UNC13B: variants seen among roughly 807,000 people sequenced by gnomAD.
The protein encoded by UNC13B is protein unc-13 homolog B.
Under a neutral mutation model 211.0 loss-of-function variants are expected in UNC13B, and 144 were observed. That is an observed-to-expected ratio of 0.68 (90% CI 0.60 to 0.78). The LOEUF is 0.78. UNC13B is among the 30% of genes least tolerant of loss of function. The pLI is 0.00. For synonymous variants in UNC13B, 709 were observed against 725.8 expected (o/e 0.98, Z 0.37); for missense variants, 1,777 against 2,002.0 (o/e 0.89, Z 2.14).
chr9:35,294,309 A>T (rs890816677), intron 7 of UNC13B, among the ~76,000 whole-genome samples: 2 of 150,236 alleles, frequency 1.3e-5, no homozygotes, highest in African/African-American at 2.5e-5. Context: ...CTACAAGATT[A>T]TCTTTTTTTT....
At chr9:35,375,560 T>C (rs1262818241) in intron 14 of UNC13B, among the ~76,000 whole-genome samples, 1 of 152,234 alleles carries the variant, frequency 6.6e-6, no homozygotes, top group Non-Finnish European at 1.5e-5. Context: ...ATTGTGGGCC[T>C]CATTCTGCTA....
At position 35,301,293 on chromosome 9, in the gene UNC13B, A is replaced by G. The variant is rs1829670669; in HGVS notation, c.1889A>G (p.Tyr630Cys). 2.5e-6 allele frequency: 1 copy of G among 398,778 alleles called. No individual in the cohort carries two copies. The highest frequency in any genetic ancestry group is 2.1e-5 in the African/African-American group (1 of 48,628). The allele number at this position is 398,778 out of a possible 1,614,324, so 24.7% of individuals were successfully genotyped here. A position where few individuals can be genotyped will look rare whatever the true frequency, so the allele number is the denominator to read the frequency against. The change falls in exon 9 of 40, where the codon TAC becomes TGC. Residue 630 changes from tyrosine to cysteine, a missense_variant. Transcript: ENST00000635942. Reference protein sequence around the residue: ...EHMGNKTGSLYFQNTTESIAK... With the variant: ...EHMGNKTGSLCFQNTTESIAK... The stretch of plus-strand genomic sequence containing the variant: ...ATGGGTAATAAAACTGGGAGTTTAT[A>G]CTTTCAGAATACAACAGAAAGTATT...
At position 35,322,394 on chromosome 9, in the gene UNC13B, T is replaced by G. The variant is rs1830782762; in HGVS notation, c.9414+8405T>G. ...GGAAGGGACAGTTCAGGAGAAGGCA[T>G]GGAGATAGGCCAGGAAGAAGGCTTG... is the stretch of plus-strand genomic sequence containing the variant. On this transcript the variant is annotated intron_variant, in intron 11 of 39. Transcript: ENST00000635942. 2.0e-5 allele frequency among the ~76,000 whole-genome samples: 3 copies of G among 151,814 alleles called. No homozygotes were observed. The South Asian group carries it at 6.2e-4, about 32-fold the overall frequency.
At chr9:35,343,242 G>A (rs1362864769) in intron 11 of UNC13B, among the ~76,000 whole-genome samples, 1 of 152,232 alleles carries the variant, frequency 6.6e-6, no homozygotes, top group Non-Finnish European at 1.5e-5. Flanking sequence ...TCACAGGGTT[G>A]TTGTGATGAT....
At chr9:35,370,254 A>T in intron 12 of UNC13B, 64 bp from the exon 13 acceptor site, 1 of 1,458,052 alleles carries the variant, frequency 6.9e-7, no homozygotes, top group Non-Finnish European at 9.6e-7. Context: ...TGAATGGAAC[A>T]CTGAACCCAC....
At chr9:35,382,678 T>G (rs962455391) in intron 21 of UNC13B, among the ~76,000 whole-genome samples, 171 bp downstream of exon 21, 7 of 151,796 alleles carry the variant, frequency 4.6e-5, no homozygotes, top group African/African-American at 1.7e-4. Flanking sequence ...TTCTCCTTTC[T>G]CAGCCTCCTG....
intron 22 of UNC13B, 87 bp downstream of exon 22, chr9:35,384,401 G>A (rs1169628028): frequency 2.6e-6 from 4 of 1,530,726 alleles, no homozygotes; most frequent in East Asian, 4.6e-5. Context: ...TATAAAGATT[G>A]AGGCCAGGGA....
At chr9:35,271,630 T>C (rs1827887269) in intron 7 of UNC13B, among the ~76,000 whole-genome samples, 1 of 152,184 alleles carries the variant, frequency 6.6e-6, no homozygotes, top group Admixed American at 6.5e-5. Flanking sequence ...ATAAGGATAA[T>C]ATTTCTACCT....
At chr9:35,253,538 G>C (rs1364735048) in intron 6 of UNC13B, among the ~76,000 whole-genome samples, 1 of 152,058 alleles carries the variant, frequency 6.6e-6, no homozygotes, top group Non-Finnish European at 1.5e-5. Flanking sequence ...TAATTATTAA[G>C]ATTTCATCAT....
In UNC13B at chr9:35,310,786, G is replaced by A; in HGVS notation, c.9323+5G>A. On this transcript the variant is annotated splice_donor_5th_base_variant and intron_variant, in intron 10 of 39. Transcript: ENST00000635942. ...CTTCCTAGGTCCCCAGGAGAGGTAG[G>A]CAACAGCTGCCTTGAGGAGCTCACA... is the stretch of plus-strand genomic sequence containing the variant. The A allele has an allele frequency of 1.2e-6, 2 of 1,611,648 alleles. No homozygotes were observed. The highest frequency in any genetic ancestry group is 1.7e-6 in the Non-Finnish European group (2 of 1,178,770).
intron 11 of UNC13B, among the ~76,000 whole-genome samples, chr9:35,323,729 T>C (rs921343607): frequency 6.6e-6 from 1 of 152,188 alleles, no homozygotes; most frequent in African/African-American, 2.4e-5. Context: ...ACTATGCCTT[T>C]TATATGCCCC....
intron 15 of UNC13B, 22 bp downstream of exon 15, chr9:35,376,269 G>A (rs774002310): frequency 1.9e-6 from 3 of 1,609,688 alleles, no homozygotes; most frequent in Non-Finnish European, 2.5e-6. Context: ...GCGGGATGAG[G>A]GGCGGGGAGT....
At chr9:35,268,006 C>T (rs1003925151) in intron 7 of UNC13B, among the ~76,000 whole-genome samples, 34 of 152,242 alleles carry the variant, frequency 2.2e-4, no homozygotes, top group African/African-American at 7.9e-4. Context: ...TTCTCTGTCT[C>T]CCAGCTCTGC....
At chr9:35,320,624 A>T (rs548462666) in intron 11 of UNC13B, among the ~76,000 whole-genome samples, 1 of 152,302 alleles carries the variant, frequency 6.6e-6, no homozygotes, top group East Asian at 1.9e-4. Context: ...TAATTCACTT[A>T]GCTAACTTTT....
Position 35,304,377 on chromosome 9 carries a change from G to C in UNC13B, c.4973G>C (p.Gly1658Ala). The change falls in exon 9 of 40, where the codon GGA becomes GCA. Residue 1658 changes from glycine (G) to alanine (A), a missense_variant. Gly to Ala is a moderately conservative substitution (Grantham distance 60, BLOSUM62 0). Coordinates refer to ENST00000635942, the MANE Select transcript of UNC13B (RefSeq NM_001371189.2). ...GGCTATAATCGTCAAAAGTTTAAAG[G>C]AGACTTTAGATCTTTCAAAGAAAGG... ...FSGYNRQKFK[G>A]DFRSFKERPC... 1 of 398,596 alleles carries C rather than the reference G, an allele frequency of 2.5e-6. No homozygotes were observed. The highest frequency in any genetic ancestry group is 3.6e-5 in the East Asian group (1 of 28,056). The allele number at this position is 398,596 out of a possible 1,614,324, so 24.7% of individuals were successfully genotyped here.
At chr9:35,206,872 CAAAAAA>C (rs35378310) in intron 1 of UNC13B, among the ~76,000 whole-genome samples, 14 of 113,140 alleles carry the variant, frequency 1.2e-4, no homozygotes, top group African/African-American at 4.5e-4. Context: ...GACTCCATCT[CAAAAAA>C]AAAAAAAAAA....
chr9:35,254,906 AATATATAATATAC>A (rs1351023859), intron 6 of UNC13B, among the ~76,000 whole-genome samples: 1 of 91,338 alleles, frequency 1.1e-5, no homozygotes, highest in African/African-American at 3.7e-5. Context: ...ATACGTATAT[AATATATAATATAC>A]ATATATAATA....
chr9:35,250,386 C>T (rs1204415634), intron 6 of UNC13B, among the ~76,000 whole-genome samples: 1 of 152,206 alleles, frequency 6.6e-6, no homozygotes, highest in Admixed American at 6.5e-5. Context: ...CTCTATGGAC[C>T]TATTCTGTGC....
chr9:35,317,481 G>T (rs1830518805), intron 11 of UNC13B, among the ~76,000 whole-genome samples: 1 of 150,190 alleles, frequency 6.7e-6, no homozygotes, highest in African/African-American at 2.5e-5. Context: ...AAAGTGCTGG[G>T]ATTATAGGCG....
Sources: allele counts gnomAD v4.1 joint callset (sites outside exome capture counted in the v4.1 genomes callset), GRCh38; gene constraint gnomAD v4.1.1; transcripts MANE v1.5; gene names NCBI Gene and HGNC (gene_info 2026-07-23, HGNC 2026-07-21).